Variants in CNTN1 observed in about 807,000 individuals in gnomAD.
The protein encoded by CNTN1 is contactin 1, also known as contactin-1.
CNTN1 carries 38 observed loss-of-function variants against 126.4 expected under a neutral mutation model. The ratio of observed to expected loss-of-function variants is 0.30; its 90% CI spans 0.23 to 0.39. CNTN1 has a LOEUF of 0.39. Among genes scored for constraint, CNTN1 ranks in the 10% least tolerant of loss-of-function variants. The pLI is 1.00. For synonymous variants in CNTN1, 413 were observed against 422.6 expected (o/e 0.98, Z 0.28); for missense variants, 1,009 against 1,248.4 (o/e 0.81, Z 2.89).
chr12:40,770,230 T>G (rs1939285217), intron 1 of CNTN1, among the ~76,000 whole-genome samples: 1 of 152,130 alleles, frequency 6.6e-6, no homozygotes, highest in Non-Finnish European at 1.5e-5. Flanking sequence ...AAATTGGCAG[T>G]CTTTGTAACC....
At chr12:40,727,516 A>G (rs1942389471) in intron 1 of CNTN1, among the ~76,000 whole-genome samples, 2 of 152,160 alleles carry the variant, frequency 1.3e-5, no homozygotes, top group South Asian at 2.1e-4. Context: ...TTATAAATAC[A>G]AGGAGATTCA....
chr12:40,786,433 G>A (rs935228), intron 1 of CNTN1, among the ~76,000 whole-genome samples: 121,737 of 152,162 alleles, frequency 0.8, 49,002 homozygotes, highest in South Asian at 0.86. Context: ...GTATGTCACA[G>A]GGCTTTACTT....
rs547288825 is a variant in CNTN1 at position 41,069,893 on chromosome 12, A to G, written c.2981-66A>G. 112 of 1,311,712 alleles carry G rather than the reference A, an allele frequency of 8.5e-5. No individual in the cohort carries two copies. The African/African-American group carries it at 1.4e-3, about 17-fold the overall frequency. The allele number at this position is 1,311,712 out of a possible 1,614,324, so 81.3% of individuals were successfully genotyped here. A position where few individuals can be genotyped will look rare whatever the true frequency, so the allele number is the denominator to read the frequency against. ...TATGCAATCTCGCCTTAGCTGAAGCAGACTAAATGAGCAATAGTGACATGT... is the reference window on the plus strand; with the variant it reads ...TATGCAATCTCGCCTTAGCTGAAGCGGACTAAATGAGCAATAGTGACATGT... On this transcript the variant is annotated intron_variant, in intron 23 of 23. Transcript: ENST00000551295.
chr12:40,970,597 C>T (rs1947474622), intron 15 of CNTN1, among the ~76,000 whole-genome samples: 1 of 151,746 alleles, frequency 6.6e-6, no homozygotes. Flanking sequence ...TAGGTGATCA[C>T]TCTGTTAATT....
At chr12:40,819,705 C>T (rs1349720303) in intron 1 of CNTN1, among the ~76,000 whole-genome samples, 1 of 152,188 alleles carries the variant, frequency 6.6e-6, no homozygotes, top group Non-Finnish European at 1.5e-5. Context: ...GTCGCCCCTC[C>T]CCCCTGGAGT....
chr12:40,846,867 A>G (rs868637827), intron 1 of CNTN1, among the ~76,000 whole-genome samples: 1 of 147,760 alleles, frequency 6.8e-6, no homozygotes, highest in Non-Finnish European at 1.5e-5. Flanking sequence ...ATTTTTTTTT[A>G]TTATTTTTAT....
intron 1 of CNTN1, among the ~76,000 whole-genome samples, chr12:40,847,029 G>A (rs778711244): frequency 2.6e-5 from 4 of 151,974 alleles, no homozygotes; most frequent in Admixed American, 1.3e-4. Flanking sequence ...CACCACGCCC[G>A]GCTAAATTTT....
rs186548981 is a variant in CNTN1 at position 41,034,461 on chromosome 12, C to T, written c.2980+5242C>T. Among the ~76,000 whole-genome samples the T allele has an allele frequency of 8.6e-3, 1,309 of 152,214 alleles. 9 individuals are homozygous for T. Among genetic ancestry groups the T allele is most frequent in the Non-Finnish European group, 0.014 (960 of 68,010 alleles). On this transcript the variant is annotated intron_variant, in intron 23 of 23. Transcript: ENST00000551295. ...TACTCCTGTCCTCCCTTCTCCATTT[C>T]CTAAGTATTGCAGTGTAAGAGGGAC...
chr12:40,945,088 G>A (rs1946388178), intron 14 of CNTN1, among the ~76,000 whole-genome samples: 1 of 152,144 alleles, frequency 6.6e-6, no homozygotes, highest in Admixed American at 6.6e-5. Flanking sequence ...CTTTAGAAGA[G>A]TTGTAATTTA....
intron 1 of CNTN1, among the ~76,000 whole-genome samples, chr12:40,784,825 T>G (rs1316531830): frequency 1.3e-5 from 2 of 152,170 alleles, no homozygotes; most frequent in African/African-American, 4.8e-5. Context: ...GGCACAAATC[T>G]GCCCTTAGAA....
In CNTN1 at chr12:40,933,574, C is replaced by T. The variant is rs748913992; in HGVS notation, c.803+14C>T. 1.5e-5 allele frequency: 24 copies of T among 1,560,942 alleles called. No homozygotes were observed. The East Asian group carries it at 4.7e-4, about 31-fold the overall frequency. On this transcript the variant is annotated intron_variant, in intron 8 of 23. Coordinates refer to ENST00000551295, the MANE Select transcript of CNTN1 (RefSeq NM_001843.4). ...TGCACTTGGAAAGTAAGTATACTGA[C>T]ACTTTTATTAATATATATAGAAATA...
intron 20 of CNTN1, among the ~76,000 whole-genome samples, chr12:41,024,526 T>A (rs1442562811): frequency 1.3e-5 from 2 of 152,124 alleles, no homozygotes; most frequent in African/African-American, 4.8e-5. Flanking sequence ...AATCGATAAC[T>A]TTTTTAAAAA....
chr12:40,927,035 G>A (rs550466282), intron 6 of CNTN1, among the ~76,000 whole-genome samples: 2 of 152,002 alleles, frequency 1.3e-5, no homozygotes, highest in Non-Finnish European at 2.9e-5. Context: ...AGATGTCGGG[G>A]GTGATGGAAT....
chr12:40,791,055 T>TTC (rs749747522), intron 1 of CNTN1, among the ~76,000 whole-genome samples: 22 of 152,148 alleles, frequency 1.4e-4, no homozygotes, highest in Admixed American at 2.6e-4. Context: ...TTATTTCATA[T>TTC]TCTCACAACA....
chr12:40,949,757 G>A (rs1171429455), intron 14 of CNTN1, among the ~76,000 whole-genome samples: 2 of 151,076 alleles, frequency 1.3e-5, no homozygotes, highest in Admixed American at 6.6e-5. Context: ...TGTATTTTTA[G>A]TAGAGATGGG....
intron 1 of CNTN1, among the ~76,000 whole-genome samples, chr12:40,747,305 ATGTGTGTG>A (rs58826763): frequency 6.7e-6 from 1 of 148,250 alleles, no homozygotes; most frequent in Non-Finnish European, 1.5e-5. Flanking sequence ...TTGTGAAGGG[ATGTGTGTG>A]TGTGTGTGTG....
intron 23 of CNTN1, among the ~76,000 whole-genome samples, chr12:41,035,785 T>C (rs1269221864): frequency 6.6e-6 from 1 of 152,022 alleles, no homozygotes; most frequent in Non-Finnish European, 1.5e-5. Flanking sequence ...AGGAGGCTGG[T>C]GTAACTAGTG....
chr12:41,064,501 C>T (rs193154284), intron 23 of CNTN1, among the ~76,000 whole-genome samples: 1 of 152,190 alleles, frequency 6.6e-6, no homozygotes, highest in South Asian at 2.1e-4. Flanking sequence ...GAATTGCTAC[C>T]ATTTACTGGG....
At chr12:40,713,976 G>A (rs1442000288) in intron 1 of CNTN1, among the ~76,000 whole-genome samples, 1 of 151,976 alleles carries the variant, frequency 6.6e-6, no homozygotes, top group Non-Finnish European at 1.5e-5. Context: ...TGACCTCCCT[G>A]GTGGGTAACT....
Sources: gnomAD v4.1 joint callset for allele counts (sites outside exome capture counted in the v4.1 genomes callset) on GRCh38, gnomAD v4.1.1 for gene constraint, MANE v1.5 for transcripts, NCBI Gene and HGNC (gene_info 2026-07-23, HGNC 2026-07-21) for gene names.